FSIP1: variants seen among roughly 807,000 people sequenced by gnomAD.
The protein encoded by FSIP1 is fibrous sheath-interacting protein 1.
Under a neutral mutation model 60.9 loss-of-function variants are expected in FSIP1, and 65 were observed. That is an observed-to-expected ratio of 1.07 (90% CI 0.87 to 1.31). The LOEUF is 1.31. FSIP1 is among the 40% of genes most tolerant of loss of function. The pLI is 0.00. For synonymous variants in FSIP1, 209 were observed against 221.2 expected (o/e 0.94, Z 0.49); for missense variants, 675 against 665.5 (o/e 1.01, Z -0.16).
chr15:39,651,960 A>C (rs1299291484), intron 10 of FSIP1, among the ~76,000 whole-genome samples: 1 of 152,264 alleles, frequency 6.6e-6, no homozygotes, highest in Non-Finnish European at 1.5e-5. Context: ...AGACAAAGCC[A>C]CATTAAAGCA....
At chr15:39,671,779 C>T (rs1325685651) in intron 10 of FSIP1, among the ~76,000 whole-genome samples, 6 of 152,266 alleles carry the variant, frequency 3.9e-5, no homozygotes, top group African/African-American at 9.6e-5. Flanking sequence ...ATGAAGCCCA[C>T]GTATCTAAAT....
In FSIP1 at chr15:39,738,230, T is replaced by G. The variant is rs1452874409; in HGVS notation, c.781-29A>C. On this transcript the variant is annotated intron_variant, in intron 7 of 11. Coordinates refer to ENST00000350221, the MANE Select transcript of FSIP1 (RefSeq NM_152597.5). ...CAGAATTTATTAATGGAAAATATCA[T>G]ATACTCAAGGAAATTCACAGTTCAG... 32 of 1,428,388 alleles carry G rather than the reference T, an allele frequency of 2.2e-5. 1 individual carries two copies. Among genetic ancestry groups the G allele is most frequent in the Non-Finnish European group, 3.0e-5 (31 of 1,026,488 alleles). 88.5% of individuals were successfully genotyped at this position (1,428,388 alleles called of 1,614,324 possible).
intron 5 of FSIP1, among the ~76,000 whole-genome samples, chr15:39,747,021 C>CTCCTTCCATCCTTCCCTCCTTCCA: frequency 7.2e-6 from 1 of 138,718 alleles, no homozygotes; most frequent in East Asian, 2.6e-4. Flanking sequence ...CCCTCCTTCC[C>CTCCTTCCATCCTTCCCTCCTTCCA]TCCTTCCCTC....
chr15:39,721,911 C>T lies in FSIP1; in HGVS notation c.1050+4678G>A, dbSNP rs138003703. ...GTTGGCTAAAAAAAATCATTAAACC[C>T]TTTGTAAGCAAAAGCAGACCCATCT... is the stretch of plus-strand genomic sequence containing the variant. On this transcript the variant is annotated intron_variant, in intron 9 of 11. Transcript: ENST00000350221. 4.6e-3 allele frequency among the ~76,000 whole-genome samples: 699 copies of T among 152,274 alleles called. 3 individuals carry two copies. The highest frequency in any genetic ancestry group is 7.3e-3 in the Non-Finnish European group (498 of 68,018).
chr15:39,694,852 AT>A (rs1894751439), intron 10 of FSIP1, among the ~76,000 whole-genome samples: 2 of 152,058 alleles, frequency 1.3e-5, no homozygotes, highest in South Asian at 2.1e-4. Context: ...ATAAAGACTC[AT>A]TTTTAAAGGC....
chr15:39,608,420 T>C (rs1302826155), intron 11 of FSIP1, among the ~76,000 whole-genome samples: 1 of 152,228 alleles, frequency 6.6e-6, no homozygotes, highest in Non-Finnish European at 1.5e-5. Flanking sequence ...CAAATTACTT[T>C]TCTAAACCCC....
At chr15:39,758,688 T>C (rs1016290447) in intron 5 of FSIP1, among the ~76,000 whole-genome samples, 3 of 152,082 alleles carry the variant, frequency 2.0e-5, no homozygotes, top group Non-Finnish European at 4.4e-5. Context: ...AGAGGTGCTT[T>C]TACAATCTCT....
At chr15:39,693,829 T>C (rs8032864) in intron 10 of FSIP1, among the ~76,000 whole-genome samples, 8,816 of 152,260 alleles carry the variant, frequency 0.058, 687 homozygotes, top group Admixed American at 0.2. Context: ...TCTGGTGTCC[T>C]TATCTGTAAC....
downstream of FSIP1, among the ~76,000 whole-genome samples, chr15:39,599,840 C>T (rs1316914489): frequency 1.3e-5 from 2 of 152,306 alleles, no homozygotes; most frequent in Admixed American, 6.5e-5. Flanking sequence ...TTGACATCAG[C>T]ATGAACAATT....
chr15:39,606,333 A>T (rs1890823061), intron 11 of FSIP1, among the ~76,000 whole-genome samples: 1 of 152,220 alleles, frequency 6.6e-6, no homozygotes, highest in South Asian at 2.1e-4. Flanking sequence ...CATTTACTAT[A>T]GGCTTTTAAA....
At position 39,749,966 on chromosome 15, in the gene FSIP1, T is replaced by C. The variant is rs628076; in HGVS notation, c.560-8066A>G. On this transcript the variant is annotated intron_variant, in intron 5 of 11. Transcript: ENST00000350221. ...GAAGTAATAAATAAATTCAGAAAAG[T>C]TGTAGAGTACAAAATCAACATATGA... Among the ~76,000 whole-genome samples the C allele has an allele frequency of 6.5e-3, 993 of 151,852 alleles. 8 individuals carry two copies. Among genetic ancestry groups the C allele is most frequent in the African/African-American group, 0.023 (939 of 41,464 alleles).
intron 10 of FSIP1, among the ~76,000 whole-genome samples, chr15:39,623,866 C>A (rs1451425571): frequency 6.6e-6 from 1 of 152,204 alleles, no homozygotes; most frequent in Non-Finnish European, 1.5e-5. Context: ...GATGCATCCT[C>A]TTCTCTGCAA....
chr15:39,619,912 T>C (rs1411875279), intron 10 of FSIP1, among the ~76,000 whole-genome samples: 1 of 151,712 alleles, frequency 6.6e-6, no homozygotes, highest in Non-Finnish European at 1.5e-5. Flanking sequence ...GAAAAAAGGG[T>C]AGGAGGGAGG....
chr15:39,614,146 T>C (rs1393111798), intron 11 of FSIP1, among the ~76,000 whole-genome samples: 1 of 152,124 alleles, frequency 6.6e-6, no homozygotes, highest in African/African-American at 2.4e-5. Context: ...TATCTCTCTT[T>C]GCTGATGACA....
chr15:39,723,962 A>G (rs1896087125), intron 9 of FSIP1, among the ~76,000 whole-genome samples: 1 of 152,260 alleles, frequency 6.6e-6, no homozygotes, highest in African/African-American at 2.4e-5. Flanking sequence ...GAAATTGAAC[A>G]AAAGCTCAAA....
chr15:39,725,456 C>T (rs1233625379), intron 9 of FSIP1, among the ~76,000 whole-genome samples: 44 of 152,188 alleles, frequency 2.9e-4, no homozygotes, highest in Admixed American at 2.8e-3. Flanking sequence ...CTGCTCCTTT[C>T]CCCTGAGGTT....
chr15:39,678,821 T>C (rs1311642731), intron 10 of FSIP1, among the ~76,000 whole-genome samples: 1 of 152,172 alleles, frequency 6.6e-6, no homozygotes, highest in Non-Finnish European at 1.5e-5. Context: ...CTTCCCTGTA[T>C]AGTCCATACA....
intron 10 of FSIP1, among the ~76,000 whole-genome samples, chr15:39,643,075 T>A (rs962766995): frequency 1.3e-5 from 2 of 152,230 alleles, no homozygotes; most frequent in African/African-American, 4.8e-5. Flanking sequence ...CCTGTAGCAG[T>A]ATAATTAATC....
chr15:39,739,797 T>G lies in FSIP1; in HGVS notation c.656-8A>C. ...CCACATCACAGGTAAAATCTAATAT[T>G]AAAAAAGTTCAAAATTTTTTCATAA... On this transcript the variant is annotated splice_region_variant and splice_polypyrimidine_tract_variant and intron_variant, in intron 6 of 11. Coordinates refer to ENST00000350221, the MANE Select transcript of FSIP1 (RefSeq NM_152597.5). The G allele has an allele frequency of 6.5e-7, 1 of 1,532,520 alleles. No individual in the cohort carries two copies. The highest frequency in any genetic ancestry group is 8.8e-7 in the Non-Finnish European group (1 of 1,142,384). 94.9% of individuals were successfully genotyped at this position (1,532,520 alleles called of 1,614,324 possible). A position where few individuals can be genotyped will look rare whatever the true frequency, so the allele number is the denominator to read the frequency against.
Sources: gnomAD v4.1 joint callset for allele counts (sites outside exome capture counted in the v4.1 genomes callset) on GRCh38, gnomAD v4.1.1 for gene constraint, MANE v1.5 for transcripts, NCBI Gene and HGNC (gene_info 2026-07-23, HGNC 2026-07-21) for gene names.